The following CNOT1 variants were observed in gnomAD, a reference collection of about 807,000 sequenced individuals.
CNOT1 encodes the protein CCR4-associated factor 1.
In CNOT1, 15 loss-of-function variants were observed where a neutral mutation model predicts 273.8. That is an observed-to-expected ratio of 0.05 (90% CI 0.04 to 0.08). The LOEUF (loss-of-function observed/expected upper bound fraction) is 0.08. CNOT1 is among the 10% of genes least tolerant of loss of function. CNOT1 has a pLI of 1.00. For synonymous variants in CNOT1, 1,022 were observed against 1,005.5 expected, an observed-to-expected ratio of 1.02 and a Z score of -0.31; for missense variants, 1,644 against 2,912.2, an observed-to-expected ratio of 0.56 and a Z score of 10.02.
At chr16:58,571,347 G>C (rs1288298900) in intron 16 of CNOT1, among the ~76,000 whole-genome samples, 1 of 152,110 alleles carries the variant, frequency 6.6e-6, no homozygotes, top group East Asian at 1.9e-4. Context: ...CCTGAGGTCA[G>C]GAGTTCAAGG....
rs1324482613 is a variant in CNOT1, at chr16:58,588,817, A to G, written c.192T>C (p.Ser64=). 1.2e-6 allele frequency: 2 copies of G among 1,613,960 alleles called. No homozygotes were observed. The highest frequency in any genetic ancestry group is 1.1e-5 in the South Asian group (1 of 91,020). ...CAAATACCTGATGGAAATCTTTGCC[A>G]CTGCTTTTACCATCGCCACTGAAAT... ...HVDFSGDGKS[S]GKDFHQTQFL... is the part of the protein sequence containing the mutation. Residue 64 remains serine (S), a synonymous_variant, in exon 3 of 49, where the codon AGT becomes AGC. Transcript: ENST00000317147.
At chr16:58,559,426 T>C (rs2151941556) in intron 17 of CNOT1, among the ~76,000 whole-genome samples, 1 of 152,278 alleles carries the variant, frequency 6.6e-6, no homozygotes, top group East Asian at 1.9e-4. Context: ...AGTTTCAACA[T>C]AAATAAAAGT....
intron 2 of CNOT1, among the ~76,000 whole-genome samples, chr16:58,593,551 G>A (rs958490731): frequency 3.6e-5 from 5 of 137,450 alleles, no homozygotes; most frequent in African/African-American, 8.5e-5. Flanking sequence ...CAACAAGAGC[G>A]AAACTCCGTC....
At chr16:58,523,288 A>G in intron 47 of CNOT1, 82 bp downstream of exon 47, 1 of 1,414,026 alleles carries the variant, frequency 7.1e-7, no homozygotes, top group African/African-American at 1.5e-5. Flanking sequence ...TTCACTGAAC[A>G]CTGAAAGCAT....
At chr16:58,565,303 C>T (rs562550112) in intron 16 of CNOT1, among the ~76,000 whole-genome samples, 2 of 152,002 alleles carry the variant, frequency 1.3e-5, no homozygotes, top group South Asian at 2.1e-4. Context: ...TTTTCAGAGA[C>T]GGGGTTTCGC....
At position 58,521,304 on chromosome 16, in the gene CNOT1, G is replaced by A. The variant is rs2039357697; in HGVS notation, c.6931C>T (p.Arg2311Trp). Residue 2311 changes from arginine to tryptophan, a missense_variant, in exon 48 of 49, where the codon CGG (arginine) becomes TGG (tryptophan). This residue lies in a region of CNOT1 where 140 missense variants were observed against 324.6 expected (regional missense o/e 0.43). Transcript: ENST00000317147. ...QEQITRVLLE[R>W]LIVNRPHPWG... The stretch of plus-strand genomic sequence containing the variant: ...GGATGTGGCCTATTTACAATCAACC[G>A]TTCCAAGAGAACTCTGGAAAAAGGG... The A allele has an allele frequency of 1.9e-6, 3 of 1,608,050 alleles. No homozygotes were observed. The highest frequency in any genetic ancestry group is 2.5e-6 in the Non-Finnish European group (3 of 1,178,582).
intron 18 of CNOT1, 135 bp downstream of exon 18, chr16:58,558,338 G>T: frequency 1.4e-6 from 2 of 1,429,494 alleles, no homozygotes; most frequent in South Asian, 1.3e-5. Flanking sequence ...CCCAACTTTG[G>T]ATACTGAAGT....
intron 1 of CNOT1, among the ~76,000 whole-genome samples, chr16:58,604,636 A>C (rs974498039): frequency 6.7e-6 from 1 of 150,372 alleles, no homozygotes; most frequent in Admixed American, 6.7e-5. Flanking sequence ...AAAAAAAAAA[A>C]AAAATACAAA....
chr16:58,601,955 T>G (rs941116478), intron 1 of CNOT1, among the ~76,000 whole-genome samples: 3 of 152,114 alleles, frequency 2.0e-5, no homozygotes, highest in Non-Finnish European at 2.9e-5. Flanking sequence ...TATGGCATTT[T>G]ACTGGTCTCT....
In CNOT1 at chr16:58,532,246, T is replaced by C; in HGVS notation, c.6045A>G (p.Thr2015=). The change falls in exon 41 of 49, where the codon ACA becomes ACG. Residue 2015 remains threonine (T), a synonymous_variant. Transcript: ENST00000317147. ...ACAATACTCACCAGAAAGCTGTAAG[T>C]GTCTGGAAATTAATGGTTTCCAACA... The part of the protein sequence containing the change: ...EHVLETINFQ[T]LTAFCNTFHI... The C allele has an allele frequency of 6.2e-7, 1 of 1,614,098 alleles. No individual in the cohort carries two copies. The highest frequency in any genetic ancestry group is 8.5e-7 in the Non-Finnish European group (1 of 1,179,944).
In CNOT1 at chr16:58,558,547, G is replaced by C. The variant is rs745322875; in HGVS notation, c.2258C>G (p.Ala753Gly). Residue 753 changes from alanine (A) to glycine (G), a missense_variant, in exon 18 of 49, where the codon GCA (alanine) becomes GGA (glycine). This residue lies in a region of CNOT1 where 706 missense variants were observed against 1,021.2 expected (regional missense o/e 0.69). Transcript: ENST00000317147. The stretch of plus-strand genomic sequence containing the variant: ...ATTGGGGGTTGAAAGGGGTGGAAAT[G>C]CTTTTGCTGGTGACTGAGGGGTACT... ...AFSTPQSPAK[A>G]FPPLSTPNQT... 9.3e-6 allele frequency: 15 copies of C among 1,613,562 alleles called. 1 individual carries two copies. In the South Asian group the frequency reaches 1.3e-4, roughly 14 times the overall value.
rs764889414 is a variant in CNOT1 at position 58,557,004 on chromosome 16, C to G, written c.2333-11G>C. On this transcript the variant is annotated splice_polypyrimidine_tract_variant and intron_variant, in intron 18 of 48. Transcript: ENST00000317147. ...TGCCAAGACCACCTACTAGAGAGAA[C>G]GAAGGCAGCCACAAATCCTATCATT... 10 of 1,610,336 alleles carry G rather than the reference C, an allele frequency of 6.2e-6. No individual in the cohort carries two copies. In the African/African-American group the frequency reaches 8.0e-5, roughly 13 times the overall value.
At chr16:58,522,044 G>T (rs561250091) in intron 47 of CNOT1, among the ~76,000 whole-genome samples, 55 of 151,742 alleles carry the variant, frequency 3.6e-4, no homozygotes, top group Non-Finnish European at 7.1e-4. Context: ...TGCAGGCTGG[G>T]CACAGTGACT....
intron 1 of CNOT1, among the ~76,000 whole-genome samples, chr16:58,625,085 C>A (rs965808689): frequency 1.3e-5 from 2 of 151,736 alleles, no homozygotes; most frequent in African/African-American, 4.8e-5. Flanking sequence ...TCACCTCTAC[C>A]AAAAAAATAC....
At chr16:58,585,236 G>A in intron 8 of CNOT1, 102 bp downstream of exon 8, 1 of 1,526,352 alleles carries the variant, frequency 6.6e-7, no homozygotes, top group South Asian at 1.2e-5. Context: ...CTCTTGAGAA[G>A]AAAAGATGAT....
intron 1 of CNOT1, among the ~76,000 whole-genome samples, chr16:58,625,356 C>T (rs1008883012): frequency 6.6e-6 from 1 of 152,022 alleles, no homozygotes; most frequent in Non-Finnish European, 1.5e-5. Context: ...CTACTAAATA[C>T]AAAAAATTAG....
At chr16:58,563,717 A>G (rs528644430) in intron 16 of CNOT1, among the ~76,000 whole-genome samples, 120 of 152,358 alleles carry the variant, frequency 7.9e-4, no homozygotes, top group African/African-American at 2.7e-3. Flanking sequence ...TCTCACCATA[A>G]TAACAGGCAC....
intron 25 of CNOT1, chr16:58,548,728 T>C (rs923159148): frequency 1.6e-5 from 7 of 431,312 alleles, no homozygotes; most frequent in African/African-American, 1.4e-4. Context: ...TAAATGATGG[T>C]TTAGAAATTA....
intron 2 of CNOT1, among the ~76,000 whole-genome samples, chr16:58,590,758 C>A (rs946881466): frequency 2.0e-5 from 3 of 152,182 alleles, no homozygotes; most frequent in Admixed American, 6.5e-5. Context: ...CAAAGCAGCA[C>A]CCTGTCTCAA....
Sources: allele counts gnomAD v4.1 joint callset (sites outside exome capture counted in the v4.1 genomes callset), GRCh38; gene constraint gnomAD v4.1.1; regional missense constraint gnomAD v4.1.1; transcripts MANE v1.5; gene names NCBI Gene and HGNC (gene_info 2026-07-23, HGNC 2026-07-21).